Variants in SLIT3 observed in about 807,000 individuals in gnomAD.
SLIT3 encodes the protein slit homolog 3 protein.
Under a neutral mutation model 184.0 loss-of-function variants are expected in SLIT3, and 68 were observed. The ratio of observed to expected loss-of-function variants is 0.37; its 90% CI spans 0.30 to 0.45. SLIT3 has a LOEUF of 0.45. Ranked by LOEUF, SLIT3 falls within the 20% of genes least tolerant of loss-of-function variation. SLIT3 has a pLI of 1.00. For synonymous variants in SLIT3, 831 were observed against 828.6 expected (o/e 1.00, Z -0.05); for missense variants, 1,707 against 2,026.0 (o/e 0.84, Z 3.02).
chr5:169,108,390 T>C (rs777914385), intron 4 of SLIT3, among the ~76,000 whole-genome samples: 5 of 152,194 alleles, frequency 3.3e-5, no homozygotes, highest in Non-Finnish European at 7.3e-5. Context: ...ACCAGCACAA[T>C]GGATCACAGG....
chr5:168,910,364 A>C (rs1761211996), intron 4 of SLIT3, among the ~76,000 whole-genome samples: 1 of 152,180 alleles, frequency 6.6e-6, no homozygotes, highest in Admixed American at 6.5e-5. Context: ...ATACATACAA[A>C]TTTACATAAT....
chr5:168,706,497 T>A (rs186042369), intron 26 of SLIT3: 135 of 152,284 alleles, frequency 8.9e-4, no homozygotes, highest in African/African-American at 3.1e-3. Context: ...CTCCTATTAT[T>A]TTTTTTGTGT....
chr5:168,985,785 C>T (rs1299713700), intron 4 of SLIT3, among the ~76,000 whole-genome samples: 2 of 152,164 alleles, frequency 1.3e-5, no homozygotes, highest in East Asian at 1.9e-4. Context: ...GAGGGCTCCT[C>T]TCTGCAAATG....
intron 4 of SLIT3, among the ~76,000 whole-genome samples, chr5:168,895,536 A>G (rs1277889239): frequency 6.6e-6 from 1 of 152,234 alleles, no homozygotes. Context: ...CCACCAAAGC[A>G]GGAAAGCAAT....
At chr5:169,042,491 C>G (rs1452957829) in intron 4 of SLIT3, among the ~76,000 whole-genome samples, 1 of 152,186 alleles carries the variant, frequency 6.6e-6, no homozygotes, top group African/African-American at 2.4e-5. Context: ...TCCGGTGCCC[C>G]TCTGCTCTCC....
At chr5:168,806,741 G>C (rs1261669036) in intron 8 of SLIT3, among the ~76,000 whole-genome samples, 154 bp from the exon 9 acceptor site, 1 of 152,180 alleles carries the variant, frequency 6.6e-6, no homozygotes, top group Non-Finnish European at 1.5e-5. Context: ...GGGAGACACA[G>C]GTGCCACAGG....
rs141974786 is a variant in SLIT3 at position 168,905,616 on chromosome 5, C to T, written c.414-22280G>A. On this transcript the variant is annotated intron_variant, in intron 4 of 35. Coordinates refer to ENST00000519560, the MANE Select transcript of SLIT3 (RefSeq NM_003062.4). ...TTCAAAACATCAGAAGCAGGTACTG[C>T]TATTCTGGTTTTACATATATAGACA... Among the ~76,000 whole-genome samples the T allele has an allele frequency of 7.3e-3, 1,105 of 152,302 alleles. 17 individuals are homozygous for T. Among genetic ancestry groups the T allele is most frequent in the African/African-American group, 0.025 (1,036 of 41,568 alleles).
chr5:168,861,942 A>G (rs953625170), intron 5 of SLIT3, among the ~76,000 whole-genome samples: 1 of 152,192 alleles, frequency 6.6e-6, no homozygotes, highest in African/African-American at 2.4e-5. Context: ...CCCTTTTAAC[A>G]TTAGCAGCTG....
intron 5 of SLIT3, among the ~76,000 whole-genome samples, chr5:168,848,834 A>G (rs1758575792): frequency 6.6e-6 from 1 of 152,242 alleles, no homozygotes; most frequent in African/African-American, 2.4e-5. Context: ...AATTCCCATT[A>G]GTAAGCATAA....
chr5:168,894,674 T>C (rs2113814714), intron 4 of SLIT3, among the ~76,000 whole-genome samples: 1 of 152,306 alleles, frequency 6.6e-6, no homozygotes, highest in East Asian at 1.9e-4. Flanking sequence ...GTAGGCTAAG[T>C]GGACAGATAA....
chr5:169,181,226 C>T (rs1282811678), intron 4 of SLIT3, among the ~76,000 whole-genome samples: 1 of 152,174 alleles, frequency 6.6e-6, no homozygotes, highest in Admixed American at 6.5e-5. Flanking sequence ...TGAGTTAATT[C>T]AGCAGCCCAA....
chr5:168,795,826 T>A (rs1348085523), intron 9 of SLIT3, among the ~76,000 whole-genome samples: 1 of 152,078 alleles, frequency 6.6e-6, no homozygotes, highest in African/African-American at 2.4e-5. Context: ...CCTTGAAGAT[T>A]TTTGATTCTT....
intron 7 of SLIT3, among the ~76,000 whole-genome samples, chr5:168,820,265 CCTT>C (rs908352822): frequency 2.0e-5 from 3 of 152,084 alleles, no homozygotes; most frequent in African/African-American, 7.2e-5. Flanking sequence ...CTCTTATCCC[CCTT>C]CTTCTGTTCA....
chr5:169,087,918 C>A (rs1166990539), intron 4 of SLIT3, among the ~76,000 whole-genome samples: 1 of 152,040 alleles, frequency 6.6e-6, no homozygotes, highest in Non-Finnish European at 1.5e-5. Flanking sequence ...CTCTGTAGAC[C>A]AACATATTGA....
At chr5:169,207,375 A>C (rs1764109245) in intron 3 of SLIT3, among the ~76,000 whole-genome samples, 1 of 76,428 alleles carries the variant, frequency 1.3e-5, no homozygotes, top group African/African-American at 4.6e-5. Flanking sequence ...ATACATACAC[A>C]CACACACACA....
chr5:168,729,875 T>C (rs1156596864), intron 20 of SLIT3, among the ~76,000 whole-genome samples: 1 of 151,998 alleles, frequency 6.6e-6, no homozygotes, highest in Non-Finnish European at 1.5e-5. Context: ...CACATATCAA[T>C]ACTAACCCTG....
chr5:168,802,090 A>C (rs2113620533), intron 9 of SLIT3, among the ~76,000 whole-genome samples: 1 of 152,002 alleles, frequency 6.6e-6, no homozygotes, highest in South Asian at 2.1e-4. Context: ...CCTAAGGAGA[A>C]AGTACAAATC....
intron 14 of SLIT3, among the ~76,000 whole-genome samples, chr5:168,764,082 C>T (rs1284777027): frequency 6.6e-6 from 1 of 152,190 alleles, no homozygotes; most frequent in African/African-American, 2.4e-5. Flanking sequence ...AATCAAATAA[C>T]TGCCCTTATC....
In SLIT3 at chr5:169,074,034, A is replaced by T. The variant is rs774466044; in HGVS notation, c.413+119445T>A. Among the ~76,000 whole-genome samples the T allele has an allele frequency of 4.9e-4, 75 of 152,268 alleles. 1 individual carries two copies. Among genetic ancestry groups the T allele is most frequent in the Middle Eastern group, 6.8e-3 (2 of 294 alleles). On this transcript the variant is annotated intron_variant, in intron 4 of 35. Transcript: ENST00000519560. The stretch of plus-strand genomic sequence containing the variant: ...AAGGGAATAAGGAGTGAATTCCTCA[A>T]AGAAGTGGGGATTTGGAAAAATCCT...
Sources: gnomAD v4.1 joint callset for allele counts (sites outside exome capture counted in the v4.1 genomes callset) on GRCh38, gnomAD v4.1.1 for gene constraint, MANE v1.5 for transcripts, NCBI Gene and HGNC (gene_info 2026-07-23, HGNC 2026-07-21) for gene names.